Variants in PRMT3 observed in about 807,000 individuals in gnomAD.
PRMT3 encodes protein arginine N-methyltransferase 3.
Under a neutral mutation model 71.9 loss-of-function variants are expected in PRMT3, and 62 were observed. The observed-to-expected ratio is 0.86, with a 90% CI of 0.70 to 1.07. The LOEUF is 1.07. PRMT3 is among the 50% of genes least tolerant of loss of function. The probability of loss-of-function intolerance (pLI) is 0.00; values close to 1 mark genes in which losing one functional copy is unlikely to be tolerated. For synonymous variants in PRMT3, 213 were observed against 220.4 expected, an observed-to-expected ratio of 0.97 and a Z score of 0.30; for missense variants, 663 against 643.0, an observed-to-expected ratio of 1.03 and a Z score of -0.34.
intron 10 of PRMT3, among the ~76,000 whole-genome samples, chr11:20,436,184 G>C (rs561078675): frequency 6.6e-6 from 1 of 152,298 alleles, no homozygotes; most frequent in African/African-American, 2.4e-5. Context: ...TTTATTGAAT[G>C]TGTTTGTCAG....
chr11:20,444,553 A>C (rs1464348855), intron 10 of PRMT3, among the ~76,000 whole-genome samples: 1 of 152,126 alleles, frequency 6.6e-6, no homozygotes, highest in African/African-American at 2.4e-5. Context: ...AGTGTTAAGA[A>C]ATTTTAAAAA....
In PRMT3 at chr11:20,478,520, G is replaced by C. The variant is rs578179763; in HGVS notation, c.1347+13974G>C. Among the ~76,000 whole-genome samples the C allele has an allele frequency of 1.2e-4, 18 of 146,546 alleles. No individual in the cohort carries two copies. The South Asian group carries it at 4.0e-3, about 32-fold the overall frequency. On this transcript the variant is annotated intron_variant, in intron 13 of 15. Transcript: ENST00000331079. Reference sequence around the variant, plus strand: ...CACTCCAGCCTGGGTGACAGAGTGAGAACCTGTCTCTTTAAAAAAAAAAAA... The same window carrying C: ...CACTCCAGCCTGGGTGACAGAGTGACAACCTGTCTCTTTAAAAAAAAAAAA...
At position 20,389,788 on chromosome 11, in the gene PRMT3, A is replaced by T; in HGVS notation, c.209A>T (p.Glu70Val). 6.2e-7 allele frequency: 1 copy of T among 1,612,510 alleles called. No individual in the cohort carries two copies. Residue 70 changes from glutamate to valine, a missense_variant, in exon 3 of 16, where the codon GAG becomes GTG. By Grantham distance (121) the Glu-to-Val change is moderately radical. Coordinates refer to ENST00000331079, the MANE Select transcript of PRMT3 (RefSeq NM_005788.4). ...AEETFSHCKS[E>V]HQFNIDSMVH... ...GAAACATTTTCACACTGTAAGTCTG[A>T]GCATCAGTTTAATATTGACAGCATG...
chr11:20,453,318 TAAAAAA>T (rs35130616), intron 11 of PRMT3, among the ~76,000 whole-genome samples: 1 of 96,806 alleles, frequency 1.0e-5, no homozygotes, highest in African/African-American at 3.9e-5. Context: ...CCGTCTTTAC[TAAAAAA>T]AAAAAAAAAA....
At chr11:20,428,290 T>G (rs1299259631) in intron 10 of PRMT3, among the ~76,000 whole-genome samples, 1 of 152,234 alleles carries the variant, frequency 6.6e-6, no homozygotes, top group Non-Finnish European at 1.5e-5. Flanking sequence ...GAATTTTAAA[T>G]AGTTTATGCT....
chr11:20,392,845 G>A, intron 4 of PRMT3, 52 bp from the exon 5 acceptor site: 2 of 1,150,178 alleles, frequency 1.7e-6, no homozygotes, highest in South Asian at 2.7e-5. Context: ...TTACTAAGGG[G>A]ATTTTGTGAT....
chr11:20,419,378 T>C (rs1849376654), intron 9 of PRMT3, among the ~76,000 whole-genome samples: 2 of 152,248 alleles, frequency 1.3e-5, no homozygotes, highest in Admixed American at 6.5e-5. Context: ...TCATAGGCAA[T>C]CTATGTGTAT....
At chr11:20,447,719 C>G (rs1392512606) in intron 10 of PRMT3, among the ~76,000 whole-genome samples, 1 of 152,032 alleles carries the variant, frequency 6.6e-6, no homozygotes, top group Non-Finnish European at 1.5e-5. Flanking sequence ...GTGGCTCTCT[C>G]TAAACACGTA....
At chr11:20,412,543 T>G (rs1441358753) in intron 9 of PRMT3, among the ~76,000 whole-genome samples, 3 of 152,176 alleles carry the variant, frequency 2.0e-5, no homozygotes, top group African/African-American at 7.2e-5. Flanking sequence ...TTCACGATTT[T>G]TTTTATACAT....
chr11:20,401,229 C>T (rs1056266781), intron 7 of PRMT3, among the ~76,000 whole-genome samples: 1 of 152,136 alleles, frequency 6.6e-6, no homozygotes, highest in Non-Finnish European at 1.5e-5. Flanking sequence ...TTCTGAGTGA[C>T]TGCATTCCTG....
intron 10 of PRMT3, among the ~76,000 whole-genome samples, chr11:20,436,257 C>T (rs1300095207): frequency 6.6e-6 from 1 of 152,172 alleles, no homozygotes; most frequent in Non-Finnish European, 1.5e-5. Flanking sequence ...AACAATTTGT[C>T]TCCCTTCTTT....
chr11:20,416,166 C>T (rs1388327822), intron 9 of PRMT3, among the ~76,000 whole-genome samples: 1 of 152,080 alleles, frequency 6.6e-6, no homozygotes, highest in Non-Finnish European at 1.5e-5. Flanking sequence ...TCTTTGCCTC[C>T]CACCACTCTC....
chr11:20,402,197 G>A (rs762106068), intron 7 of PRMT3, among the ~76,000 whole-genome samples: 3 of 151,812 alleles, frequency 2.0e-5, no homozygotes, highest in Non-Finnish European at 4.4e-5. Context: ...TCAGCTCACC[G>A]CAACCTCCGC....
intron 9 of PRMT3, among the ~76,000 whole-genome samples, chr11:20,416,690 G>C (rs921481994): frequency 1.3e-5 from 2 of 151,874 alleles, no homozygotes; most frequent in Admixed American, 6.6e-5. Flanking sequence ...TGCTAATTTC[G>C]AACAATAAAT....
chr11:20,446,174 A>G (rs996090310), intron 10 of PRMT3, among the ~76,000 whole-genome samples: 1 of 152,114 alleles, frequency 6.6e-6, no homozygotes, highest in African/African-American at 2.4e-5. Flanking sequence ...AAAGTACTGC[A>G]GTAAAATTTT....
intron 15 of PRMT3, among the ~76,000 whole-genome samples, chr11:20,507,343 C>T (rs572351596): frequency 6.6e-6 from 1 of 152,246 alleles, no homozygotes; most frequent in East Asian, 1.9e-4. Context: ...TTTCTAGATG[C>T]CCAGAACCCA....
At chr11:20,413,490 A>G (rs1849237989) in intron 9 of PRMT3, among the ~76,000 whole-genome samples, 1 of 152,158 alleles carries the variant, frequency 6.6e-6, no homozygotes, top group Admixed American at 6.6e-5. Context: ...TGTTACAGGA[A>G]TTGTATCCGT....
intron 13 of PRMT3, among the ~76,000 whole-genome samples, chr11:20,474,320 G>A (rs990521628): frequency 6.6e-6 from 1 of 152,218 alleles, no homozygotes; most frequent in Non-Finnish European, 1.5e-5. Context: ...GATGGCAGCC[G>A]CCCCTCCCCC....
At chr11:20,411,994 TC>T (rs1849203365) in intron 9 of PRMT3, among the ~76,000 whole-genome samples, 1 of 152,254 alleles carries the variant, frequency 6.6e-6, no homozygotes, top group East Asian at 1.9e-4. Flanking sequence ...TATGTTATTT[TC>T]CCCCTTTGTA....
Sources: gnomAD v4.1 joint callset for allele counts (sites outside exome capture counted in the v4.1 genomes callset) on GRCh38, gnomAD v4.1.1 for gene constraint, MANE v1.5 for transcripts, NCBI Gene and HGNC (gene_info 2026-07-23, HGNC 2026-07-21) for gene names.